CHRNA6: variants seen among roughly 807,000 people sequenced by gnomAD.
The protein encoded by CHRNA6 is cholinergic receptor nicotinic alpha 6 subunit, also known as neuronal acetylcholine receptor subunit alpha-6.
Under a neutral mutation model 40.9 loss-of-function variants are expected in CHRNA6, and 31 were observed. That is an observed-to-expected ratio of 0.76 (90% CI 0.57 to 1.02). CHRNA6 has a LOEUF of 1.02. Ranked by LOEUF, CHRNA6 falls within the 50% of genes least tolerant of loss-of-function variation. CHRNA6 has a pLI of 0.00. For synonymous variants in CHRNA6, 222 were observed against 221.3 expected, an observed-to-expected ratio of 1.00 and a Z score of -0.03; for missense variants, 546 against 596.6, an observed-to-expected ratio of 0.92 and a Z score of 0.88.
intron 1 of CHRNA6, 51 bp from the exon 2 acceptor site, chr8:42,765,255 C>A: frequency 6.3e-7 from 1 of 1,597,450 alleles, no homozygotes; most frequent in East Asian, 2.2e-5. Context: ...CCACTGGCCA[C>A]TGCAGCGATT....
intron 2 of CHRNA6, among the ~76,000 whole-genome samples, chr8:42,762,740 A>G (rs1816920895): frequency 6.6e-6 from 1 of 152,166 alleles, no homozygotes; most frequent in African/African-American, 2.4e-5. Flanking sequence ...ACACTCAGTG[A>G]CTCGGAGGAA....
At chr8:42,760,981 C>T (rs1816896712) in intron 2 of CHRNA6, among the ~76,000 whole-genome samples, 1 of 152,172 alleles carries the variant, frequency 6.6e-6, no homozygotes, top group Non-Finnish European at 1.5e-5. Flanking sequence ...CCAAGACACC[C>T]AGGCACCCTC....
rs764054092 is a variant in CHRNA6 at position 42,756,734 on chromosome 8, C to T, written c.465G>A (p.Lys155=). 6.2e-7 allele frequency: 1 copy of T among 1,613,716 alleles called. No individual in the cohort carries two copies. The highest frequency in any genetic ancestry group is 1.1e-5 in the South Asian group (1 of 90,978). Residue 155 remains lysine (K), a synonymous_variant, in exon 5 of 6, where the codon AAG becomes AAA. Transcript: ENST00000276410. ...AGGTGATATCCATAGGGCAGGAACTCTTAAAAATAGCTGGTGGAGTCCAGG... is the reference window on the plus strand; with the variant it reads ...AGGTGATATCCATAGGGCAGGAACTTTTAAAAATAGCTGGTGGAGTCCAGG... The part of the protein sequence containing the change: ...MITWTPPAIF[K]SSCPMDITFF...
intron 2 of CHRNA6, 71 bp downstream of exon 2, chr8:42,764,994 T>A: frequency 6.5e-7 from 1 of 1,529,742 alleles, no homozygotes; most frequent in Non-Finnish European, 9.0e-7. Flanking sequence ...TCTGTATTTC[T>A]AAAATTCCTT....
At chr8:42,754,171 G>A (rs1284436684) in intron 5 of CHRNA6, among the ~76,000 whole-genome samples, 2 of 151,856 alleles carry the variant, frequency 1.3e-5, no homozygotes, top group African/African-American at 4.8e-5. Flanking sequence ...AACAGCAGCT[G>A]TTTCTTCGAT....
At chr8:42,763,712 C>G (rs1185479478) in intron 2 of CHRNA6, among the ~76,000 whole-genome samples, 1 of 152,196 alleles carries the variant, frequency 6.6e-6, no homozygotes, top group African/African-American at 2.4e-5. Flanking sequence ...CAAATAAATA[C>G]TCACTAAAGG....
In CHRNA6 at chr8:42,755,864, G is replaced by A; in HGVS notation, c.1335C>T (p.Ser445=). 6.2e-7 allele frequency: 1 copy of A among 1,613,808 alleles called. No individual in the cohort carries two copies. The highest frequency in any genetic ancestry group is 8.5e-7 in the Non-Finnish European group (1 of 1,179,820). The change falls in exon 5 of 6, where the codon AGC becomes AGT. Residue 445 remains serine, a synonymous_variant. Coordinates refer to ENST00000276410, the MANE Select transcript of CHRNA6 (RefSeq NM_004198.3). Reference sequence around the variant, plus strand: ...CATTTACCTCCTTGGTTTCATTGTGGCTCTTCATGTTTTCTGCTATGAACT... The same window carrying A: ...CATTTACCTCCTTGGTTTCATTGTGACTCTTCATGTTTTCTGCTATGAACT... The part of the protein sequence containing the change: ...SVQFIAENMK[S]HNETKEVEDD...
intron 3 of CHRNA6, among the ~76,000 whole-genome samples, chr8:42,758,115 G>A (rs1233507530): frequency 6.6e-6 from 1 of 152,024 alleles, no homozygotes; most frequent in Admixed American, 6.5e-5. Flanking sequence ...ATCAAAATCT[G>A]GACAATTATA....
Position 42,756,936 on chromosome 8 carries a change from G to C in CHRNA6, c.366C>G (p.Leu122=). Residue 122 remains leucine (L), a synonymous_variant, in exon 4 of 6, where the codon CTC becomes CTG. Coordinates refer to ENST00000276410, the MANE Select transcript of CHRNA6 (RefSeq NM_004198.3). ...TGGTCAGAGACCCATACTTGTTATA[G>C]AGAACAATGTCGGGCTTCCAAATCT... ...ADKIWKPDIV[L]YNNAVGDFQV... 6.2e-7 allele frequency: 1 copy of C among 1,613,466 alleles called. No homozygotes were observed. The highest frequency in any genetic ancestry group is 8.5e-7 in the Non-Finnish European group (1 of 1,179,332).
intron 2 of CHRNA6, among the ~76,000 whole-genome samples, chr8:42,760,963 C>G (rs1403397851): frequency 1.3e-5 from 2 of 152,182 alleles, no homozygotes; most frequent in Non-Finnish European, 2.9e-5. Flanking sequence ...CTCAGCCAAC[C>G]TTGCTTCCCA....
chr8:42,766,203 G>A (rs1586429442), intron 1 of CHRNA6, among the ~76,000 whole-genome samples: 1 of 152,136 alleles, frequency 6.6e-6, no homozygotes, highest in Non-Finnish European at 1.5e-5. Context: ...TAAAGAAAAT[G>A]TGGTATAAGC....
intron 1 of CHRNA6, among the ~76,000 whole-genome samples, chr8:42,765,823 A>G (rs1487214193): frequency 6.6e-6 from 1 of 152,226 alleles, no homozygotes; most frequent in Non-Finnish European, 1.5e-5. Context: ...AAAAAGCTCA[A>G]CAACACTGAT....
chr8:42,761,730 CGGA>C (rs1459153428), intron 2 of CHRNA6, among the ~76,000 whole-genome samples: 1 of 152,204 alleles, frequency 6.6e-6, no homozygotes, highest in Non-Finnish European at 1.5e-5. Flanking sequence ...ACATCTCTGC[CGGA>C]GGAGTCCAAA....
At chr8:42,766,559 T>G (rs1329450169) in intron 1 of CHRNA6, among the ~76,000 whole-genome samples, 1 of 151,966 alleles carries the variant, frequency 6.6e-6, no homozygotes, top group Non-Finnish European at 1.5e-5. Context: ...TATGCAACCA[T>G]AAAAATGAAC....
Position 42,755,948 on chromosome 8 carries a change from C to T in CHRNA6, c.1251G>A (p.Gln417=), listed in dbSNP as rs893517016. 1.9e-6 allele frequency: 3 copies of T among 1,614,152 alleles called. No individual in the cohort carries two copies. The highest frequency in any genetic ancestry group is 3.3e-5 in the Admixed American group (2 of 60,016). The change falls in exon 5 of 6, where the codon CAG becomes CAA. Residue 417 remains glutamine (Q), a synonymous_variant. Coordinates refer to ENST00000276410, the MANE Select transcript of CHRNA6 (RefSeq NM_004198.3). Reference sequence around the variant, plus strand: ...AGTGCTCCGAATTTTCCACCACCCACTGTAATGGCTGATGACTTAATCTTC... The same window carrying T: ...AGTGCTCCGAATTTTCCACCACCCATTGTAATGGCTGATGACTTAATCTTC... ...SKRRLSHQPL[Q]WVVENSEHSP...
intron 2 of CHRNA6, among the ~76,000 whole-genome samples, chr8:42,760,496 GCACT>G (rs1170819141): frequency 6.6e-6 from 1 of 151,240 alleles, no homozygotes; most frequent in East Asian, 1.9e-4. Flanking sequence ...TCATGCACAT[GCACT>G]CACTCATGCA....
chr8:42,754,754 C>T (rs527437252), intron 5 of CHRNA6, among the ~76,000 whole-genome samples: 2 of 152,332 alleles, frequency 1.3e-5, no homozygotes, highest in South Asian at 4.1e-4. Context: ...TTCTCTTGAG[C>T]TCTGTCTTTG....
intron 2 of CHRNA6, among the ~76,000 whole-genome samples, chr8:42,764,396 CG>C (rs1816944561): frequency 6.6e-6 from 1 of 151,678 alleles, no homozygotes; most frequent in Admixed American, 6.6e-5. Context: ...GGTGCAATCT[CG>C]GCTCACTGCA....
Position 42,765,196 on chromosome 8 carries a change from C to A in CHRNA6, c.88G>T (p.Gly30Cys). The stretch of plus-strand genomic sequence containing the variant: ...AAGAGCCTCTCCTCAGTTGCACAGC[C>A]CACACAGCCTGTGAGGCCAAACAAA... ...VFTPFFKGCV[G>C]CATEERLFHK... Residue 30 changes from glycine to cysteine, a missense_variant, in exon 2 of 6, where the codon GGC (glycine) becomes TGC (cysteine). By Grantham distance (159) the Gly-to-Cys change is radical. Around this residue, in one of 3 missense-constraint regions of CHRNA6, gnomAD observed 476 missense variants for 494.5 expected, o/e 0.96. Coordinates refer to ENST00000276410, the MANE Select transcript of CHRNA6 (RefSeq NM_004198.3). 1 of 1,613,902 alleles carries A rather than the reference C, an allele frequency of 6.2e-7. No homozygotes were observed. The highest frequency in any genetic ancestry group is 1.3e-5 in the African/African-American group (1 of 75,042).
Sources: allele counts gnomAD v4.1 joint callset (sites outside exome capture counted in the v4.1 genomes callset), GRCh38; gene constraint gnomAD v4.1.1; regional missense constraint gnomAD v4.1.1; transcripts MANE v1.5; gene names NCBI Gene and HGNC (gene_info 2026-07-23, HGNC 2026-07-21).